KDM5A: variants seen among roughly 807,000 people sequenced by gnomAD.
The protein encoded by KDM5A is lysine-specific demethylase 5A.
Under a neutral mutation model 193.5 loss-of-function variants are expected in KDM5A, and 42 were observed. The observed-to-expected ratio is 0.22, with a 90% CI of 0.17 to 0.28. KDM5A has a LOEUF of 0.28. Ranked by LOEUF, KDM5A falls within the 10% of genes least tolerant of loss-of-function variation. The pLI is 1.00. For missense variants in KDM5A, 1,692 were observed against 2,055.1 expected (o/e 0.82, Z 3.42); for synonymous variants, 796 against 718.1 (o/e 1.11, Z -1.73).
rs148675480 is a variant in KDM5A, at chr12:299,506, T to C, written c.4075-2306A>G. On this transcript the variant is annotated intron_variant, in intron 24 of 27. Transcript: ENST00000399788. ...CCAGACAAGCAAGTGCTGAGAGATT[T>C]TCTCACCACCAGACCTGCCTTACAA... is the stretch of plus-strand genomic sequence containing the variant. 9.9e-3 allele frequency among the ~76,000 whole-genome samples: 1,512 copies of C among 152,282 alleles called. 17 individuals are homozygous for C. The highest frequency in any genetic ancestry group is 0.034 in the African/African-American group (1,418 of 41,544).
Position 333,668 on chromosome 12 carries a change from G to GC in KDM5A, c.1491-20_1491-19insG. On this transcript the variant is annotated intron_variant, in intron 11 of 27. Transcript: ENST00000399788. ...CTCCCCCCTAGCAAAAGAAGTAACT[G>GC]TTTAGCTAGGCAGAACATGGTACCA... The GC allele has an allele frequency of 6.2e-7, 1 of 1,612,354 alleles. No individual in the cohort carries two copies. Among genetic ancestry groups the GC allele is most frequent in the Non-Finnish European group, 8.5e-7 (1 of 1,178,388 alleles).
chr12:292,586 G>A (rs1027907040), intron 27 of KDM5A, among the ~76,000 whole-genome samples, 173 bp downstream of exon 27: 5 of 152,148 alleles, frequency 3.3e-5, no homozygotes, highest in South Asian at 2.1e-4. Context: ...CTTCTACTAG[G>A]CACACTAAGA....
chr12:328,640 G>A (rs74055641), intron 14 of KDM5A, among the ~76,000 whole-genome samples, 195 bp downstream of exon 14: 5 of 152,104 alleles, frequency 3.3e-5, no homozygotes, highest in Non-Finnish European at 7.3e-5. Flanking sequence ...TAAAAACCTA[G>A]AGATGACAAG....
At chr12:370,182 C>T (rs748798095) in intron 3 of KDM5A, among the ~76,000 whole-genome samples, 6 of 152,268 alleles carry the variant, frequency 3.9e-5, no homozygotes, top group Admixed American at 1.3e-4. Flanking sequence ...CACCTGAGGT[C>T]GAGAGTTCGA....
chr12:352,178 G>T (rs1360673550), intron 9 of KDM5A, 27 bp downstream of exon 9: 4 of 1,573,164 alleles, frequency 2.5e-6, no homozygotes, highest in African/African-American at 2.7e-5. Flanking sequence ...TACCTCCCCG[G>T]ACCGACCTAA....
Position 284,899 on chromosome 12 carries a change from T to C in KDM5A, c.*557A>G, listed in dbSNP as rs141590195. 21 of 241,702 alleles carry C rather than the reference T, an allele frequency of 8.7e-5. No individual in the cohort carries two copies. The highest frequency in any genetic ancestry group is 2.9e-4 in the East Asian group (5 of 17,114). 15.0% of individuals were successfully genotyped at this position (241,702 alleles called of 1,614,324 possible). A position where few individuals can be genotyped will look rare whatever the true frequency, so the allele number is the denominator to read the frequency against. Reference sequence around the variant, plus strand: ...AACAAGCACAAATCGCTGAGGTCAATAGACTGTGATACCATTCCTTGACGT... The same window carrying C: ...AACAAGCACAAATCGCTGAGGTCAACAGACTGTGATACCATTCCTTGACGT... On this transcript the variant is annotated 3_prime_UTR_variant, in exon 28 of 28. Transcript: ENST00000399788.
In KDM5A at chr12:388,952, C is replaced by G. The variant is rs1180758970; in HGVS notation, c.140G>C (p.Gly47Ala). The G allele has an allele frequency of 6.2e-7, 1 of 1,614,222 alleles. No homozygotes were observed. Among genetic ancestry groups the G allele is most frequent in the South Asian group, 1.1e-5 (1 of 91,092 alleles). The change falls in exon 1 of 28, where the codon GGC (glycine) becomes GCC (alanine). Residue 47 changes from glycine (G) to alanine (A), a missense_variant. Physicochemically the swap from Gly to Ala is moderately conservative, Grantham distance 60. Coordinates refer to ENST00000399788, the MANE Select transcript of KDM5A (RefSeq NM_001042603.3). ...CTTGGGCGGCCGAATTTTGCAGATG[C>G]CGGTTTTCTCCGCCAAAGGCCGGAT... Reference protein sequence around the residue: ...GRIRPLAEKTGICKIRPPKDW... With the variant: ...GRIRPLAEKTAICKIRPPKDW...
chr12:374,742 T>C (rs1944479767), intron 3 of KDM5A, among the ~76,000 whole-genome samples: 3 of 152,244 alleles, frequency 2.0e-5, no homozygotes, highest in Admixed American at 2.0e-4. Flanking sequence ...TAGTGCTTCC[T>C]TCAGGAGCTC....
chr12:336,043 C>CAAAA (rs753624871), intron 10 of KDM5A, among the ~76,000 whole-genome samples: 6 of 42,006 alleles, frequency 1.4e-4, no homozygotes, highest in Admixed American at 5.7e-4. Context: ...TACTTCATCT[C>CAAAA]AAAAAAAAAA....
Position 389,214 on chromosome 12 carries a change from C to A in KDM5A, c.-123G>T. 1.1e-6 allele frequency: 1 copy of A among 932,034 alleles called. No homozygotes were observed. The highest frequency in any genetic ancestry group is 2.4e-5 in the East Asian group (1 of 41,426). The allele number at this position is 932,034 out of a possible 1,614,324, so 57.7% of individuals were successfully genotyped here. A position where few individuals can be genotyped will look rare whatever the true frequency, so the allele number is the denominator to read the frequency against. ...GAAGCGCATCTTCGCGGACAAGAAC[C>A]GTTCAACACAGAAACCCCAGAATCG... On this transcript the variant is annotated 5_prime_UTR_variant, in exon 1 of 28. Coordinates refer to ENST00000399788, the MANE Select transcript of KDM5A (RefSeq NM_001042603.3).
intron 15 of KDM5A, among the ~76,000 whole-genome samples, 179 bp from the exon 16 acceptor site, chr12:323,385 T>C (rs1055290058): frequency 6.6e-6 from 1 of 152,110 alleles, no homozygotes; most frequent in African/African-American, 2.4e-5. Flanking sequence ...ACTTCTTAAT[T>C]CAGGGAGACA....
intron 3 of KDM5A, among the ~76,000 whole-genome samples, chr12:372,306 G>T (rs975137799): frequency 3.3e-5 from 5 of 152,082 alleles, no homozygotes; most frequent in African/African-American, 7.2e-5. Flanking sequence ...CCTTGAAGAG[G>T]TCCTTCACAT....
intron 27 of KDM5A, 106 bp from the exon 28 acceptor site, chr12:285,768 AT>A (rs1297907626): frequency 1.0e-6 from 1 of 956,628 alleles, no homozygotes; most frequent in Non-Finnish European, 1.7e-6. Flanking sequence ...AACAACTGGG[AT>A]GTCTAGATAG....
chr12:334,533 G>T, intron 10 of KDM5A, 111 bp from the exon 11 acceptor site: 1 of 765,340 alleles, frequency 1.3e-6, no homozygotes, highest in Non-Finnish European at 2.2e-6. Context: ...TAATAGTCTA[G>T]TGCATACAAT....
intron 24 of KDM5A, among the ~76,000 whole-genome samples, chr12:304,021 C>T (rs1943475222): frequency 6.6e-6 from 1 of 152,152 alleles, no homozygotes; most frequent in African/African-American, 2.4e-5. Flanking sequence ...TGGTACTGCC[C>T]ATTAATCTCA....
At chr12:316,181 G>T (rs1467217380) in intron 19 of KDM5A, among the ~76,000 whole-genome samples, 2 of 152,202 alleles carry the variant, frequency 1.3e-5, no homozygotes, top group Non-Finnish European at 2.9e-5. Context: ...ACAGAAGTTA[G>T]AAGAGTCTAA....
intron 10 of KDM5A, among the ~76,000 whole-genome samples, chr12:335,635 T>G (rs1360291331): frequency 6.6e-6 from 1 of 152,042 alleles, no homozygotes; most frequent in Non-Finnish European, 1.5e-5. Flanking sequence ...AGGTAAGAAG[T>G]TAAAGAGCCA....
At chr12:314,351 A>C (rs1943624919) in intron 19 of KDM5A, among the ~76,000 whole-genome samples, 1 of 151,696 alleles carries the variant, frequency 6.6e-6, no homozygotes, top group Non-Finnish European at 1.5e-5. Context: ...ATGCGCCACC[A>C]CGCCCGGCTA....
At position 309,872 on chromosome 12, in the gene KDM5A, C is replaced by CTTTTCT. The variant is rs776446437; in HGVS notation, c.3303_3308dup (p.Glu1102_Lys1103dup). The CTTTTCT allele has an allele frequency of 3.7e-6, 6 of 1,613,834 alleles. No homozygotes were observed. On this transcript the variant is annotated inframe_insertion, in exon 22 of 28. Transcript: ENST00000399788. ...CACTCAGAGGCTCCAGGTCCAGATC[C>CTTTTCT]TTTTCTTTTTCTTTTTCTATTAGTT...
Sources: allele counts gnomAD v4.1 joint callset (sites outside exome capture counted in the v4.1 genomes callset), GRCh38; gene constraint gnomAD v4.1.1; transcripts MANE v1.5; gene names NCBI Gene and HGNC (gene_info 2026-07-23, HGNC 2026-07-21).